Variants in CNTNAP3B observed in about 807,000 individuals in gnomAD.
CNTNAP3B encodes the protein contactin-associated protein-like 3B.
Under a neutral mutation model 108.9 loss-of-function variants are expected in CNTNAP3B, and 25 were observed. The observed-to-expected ratio is 0.23, with a 90% CI of 0.17 to 0.32. The LOEUF (loss-of-function observed/expected upper bound fraction) is 0.32, where lower values mean the gene tolerates loss of function less well. Among genes scored for constraint, CNTNAP3B ranks in the 10% least tolerant of loss-of-function variants. The probability of loss-of-function intolerance (pLI) is 1.00; values close to 1 mark genes in which losing one functional copy is unlikely to be tolerated. For missense variants in CNTNAP3B, 252 were observed against 1,210.4 expected, an observed-to-expected ratio of 0.21 and a Z score of 11.75; for synonymous variants, 103 against 473.4, an observed-to-expected ratio of 0.22 and a Z score of 10.16.
Position 41,953,121 on chromosome 9 carries a change from C to G in CNTNAP3B, c.2080+62G>C, listed in dbSNP as rs1396816694. 51 of 1,442,580 alleles carry G rather than the reference C, an allele frequency of 3.5e-5. 1 individual carries two copies. The highest frequency in any genetic ancestry group is 2.7e-4 in the South Asian group (20 of 73,540). 89.4% of individuals were successfully genotyped at this position (1,442,580 alleles called of 1,614,324 possible). ...GGCCTTTTCTCCCTCAAAGGCATCT[C>G]GCAGCCCGAGGGCCGCGCCCCGGCC... is the stretch of plus-strand genomic sequence containing the variant. On this transcript the variant is annotated intron_variant, in intron 13 of 23. Coordinates refer to ENST00000377561, the MANE Select transcript of CNTNAP3B (RefSeq NM_001201380.3).
chr9:41,954,600 A>T (rs1824799100), intron 12 of CNTNAP3B, among the ~76,000 whole-genome samples: 1 of 152,284 alleles, frequency 6.6e-6, no homozygotes, highest in Admixed American at 6.5e-5. Flanking sequence ...TCACCAAAGG[A>T]GGCTCTAAGT....
chr9:42,115,080 G>A lies in CNTNAP3B; in HGVS notation c.86-10341C>T, dbSNP rs1443215116. ...GAAAAAAAAAAGAAATACTTACAAT[G>A]AAAAGGAACATTAAAAGGAGGCAAT... On this transcript the variant is annotated intron_variant, in intron 1 of 23. Transcript: ENST00000377561. Among the ~76,000 whole-genome samples the A allele has an allele frequency of 2.2e-5, 3 of 136,766 alleles. 1 individual carries two copies. The highest frequency in any genetic ancestry group is 8.8e-5 in the African/African-American group (3 of 34,214). 89.7% of individuals were successfully genotyped at this position (136,766 alleles called of 152,430 possible).
intron 12 of CNTNAP3B, among the ~76,000 whole-genome samples, chr9:41,955,827 G>T (rs1423388613): frequency 4.6e-5 from 7 of 152,274 alleles, no homozygotes; most frequent in African/African-American, 1.4e-4. Context: ...TTTAACTCAT[G>T]ATTTTGATTG....
At chr9:41,973,124 T>C (rs1451229833) in intron 9 of CNTNAP3B, among the ~76,000 whole-genome samples, 2 of 142,874 alleles carry the variant, frequency 1.4e-5, no homozygotes, top group African/African-American at 5.3e-5. Flanking sequence ...TTTGTATTTT[T>C]TTTCAGTAGA....
chr9:42,020,493 T>G (rs1826292766), intron 3 of CNTNAP3B, among the ~76,000 whole-genome samples: 1 of 144,276 alleles, frequency 6.9e-6, no homozygotes, highest in African/African-American at 2.7e-5. Context: ...ATTATAATTA[T>G]AAATCTTTGT....
chr9:41,966,517 G>T (rs1466779617), intron 10 of CNTNAP3B, among the ~76,000 whole-genome samples: 1 of 152,246 alleles, frequency 6.6e-6, no homozygotes, highest in Non-Finnish European at 1.5e-5. Flanking sequence ...CAGCAGCCTG[G>T]TCAGCACAGC....
intron 11 of CNTNAP3B, among the ~76,000 whole-genome samples, chr9:41,961,155 C>T (rs1693069): frequency 3.9e-5 from 6 of 152,412 alleles, no homozygotes; most frequent in Admixed American, 2.6e-4. Flanking sequence ...AATAAATATT[C>T]GGTCACAGTG....
At chr9:42,037,282 AG>A (rs1386257089) in intron 3 of CNTNAP3B, among the ~76,000 whole-genome samples, 1 of 66,268 alleles carries the variant, frequency 1.5e-5, no homozygotes, top group Non-Finnish European at 3.4e-5. Context: ...AAAAAAAAAA[AG>A]AAAAAAGAAA....
chr9:42,012,583 C>T (rs1195961094), intron 4 of CNTNAP3B, among the ~76,000 whole-genome samples: 4 of 128,732 alleles, frequency 3.1e-5, no homozygotes, highest in East Asian at 2.5e-4. Context: ...TATGAACATC[C>T]GGCCGGACCC....
At chr9:42,097,288 G>C (rs563427919) in intron 2 of CNTNAP3B, among the ~76,000 whole-genome samples, 1 of 140,014 alleles carries the variant, frequency 7.1e-6, no homozygotes. Context: ...GGATGAGTGC[G>C]TCCAAGTTAG....
intron 13 of CNTNAP3B, among the ~76,000 whole-genome samples, chr9:41,948,561 CTCT>C (rs1423792454): frequency 7.3e-5 from 11 of 150,588 alleles, no homozygotes; most frequent in African/African-American, 2.4e-4. Flanking sequence ...ATATCAATAT[CTCT>C]TATGAATTTG....
chr9:42,047,524 A>T (rs1320103712), intron 3 of CNTNAP3B, among the ~76,000 whole-genome samples: 2,994 of 49,486 alleles, frequency 0.061, no homozygotes, highest in East Asian at 0.11. Context: ...CGAGTTCTGC[A>T]GCCTCCAGCC....
At chr9:41,916,047 T>C (rs1308211174) in intron 18 of CNTNAP3B, among the ~76,000 whole-genome samples, 2 of 151,534 alleles carry the variant, frequency 1.3e-5, no homozygotes, top group Admixed American at 6.6e-5. Context: ...AAACCCATTA[T>C]TATTTTATAT....
At chr9:41,986,730 T>C (rs1587176810) in intron 8 of CNTNAP3B, among the ~76,000 whole-genome samples, 3 of 149,242 alleles carry the variant, frequency 2.0e-5, no homozygotes, top group Middle Eastern at 3.4e-3. Context: ...TCAAGAATGA[T>C]TGTGAAAAGG....
chr9:41,972,612 T>C (rs1310980416), intron 9 of CNTNAP3B, among the ~76,000 whole-genome samples: 1 of 138,634 alleles, frequency 7.2e-6, no homozygotes, highest in Non-Finnish European at 1.5e-5. Flanking sequence ...ATCGAAACTA[T>C]ACATAACCTC....
chr9:41,962,793 A>C (rs1825141514), intron 11 of CNTNAP3B, among the ~76,000 whole-genome samples: 1 of 152,148 alleles, frequency 6.6e-6, no homozygotes, highest in African/African-American at 2.4e-5. Context: ...GTCTCTACTA[A>C]AAATACAAAA....
chr9:41,953,027 C>T (rs576935938), intron 13 of CNTNAP3B, among the ~76,000 whole-genome samples, 156 bp downstream of exon 13: 75 of 152,356 alleles, frequency 4.9e-4, no homozygotes, highest in African/African-American at 1.5e-3. Flanking sequence ...GCTCTTTGGT[C>T]CAACCAAGAG....
Position 42,071,752 on chromosome 9 carries a change from C to T in CNTNAP3B, c.390+5117G>A, listed in dbSNP as rs1250762785. ...CTCCACATATACTCTGAAGCTGTGA[C>T]TGACATGATCTGTCTAACAACTGAG... On this transcript the variant is annotated intron_variant, in intron 3 of 23. Coordinates refer to ENST00000377561, the MANE Select transcript of CNTNAP3B (RefSeq NM_001201380.3). Among the ~76,000 whole-genome samples the T allele has an allele frequency of 5.5e-4, 61 of 111,296 alleles. 15 individuals are homozygous for T. Among genetic ancestry groups the T allele is most frequent in the African/African-American group, 2.1e-3 (60 of 28,376 alleles). 73.0% of individuals were successfully genotyped at this position (111,296 alleles called of 152,430 possible).
chr9:41,940,985 A>C (rs1313764168), intron 13 of CNTNAP3B, among the ~76,000 whole-genome samples: 1 of 152,166 alleles, frequency 6.6e-6, no homozygotes, highest in Admixed American at 6.5e-5. Flanking sequence ...AATATGGATA[A>C]ATATAATAGA....
Sources: gnomAD v4.1 joint callset for allele counts (sites outside exome capture counted in the v4.1 genomes callset) on GRCh38, gnomAD v4.1.1 for gene constraint, MANE v1.5 for transcripts, NCBI Gene and HGNC (gene_info 2026-07-23, HGNC 2026-07-21) for gene names.